The following ADAMTS14 variants were observed in gnomAD, a reference collection of about 807,000 sequenced individuals.
ADAMTS14 encodes ADAM metallopeptidase with thrombospondin type 1 motif 14, also known as A disintegrin and metalloproteinase with thrombospondin motifs 14.
Under a neutral mutation model 128.6 loss-of-function variants are expected in ADAMTS14, and 100 were observed. The ratio of observed to expected loss-of-function variants is 0.78; its 90% CI spans 0.66 to 0.92. The LOEUF is 0.92. Among genes scored for constraint, ADAMTS14 ranks in the 40% least tolerant of loss-of-function variants. ADAMTS14 has a pLI of 0.00. For missense variants in ADAMTS14, 1,562 were observed against 1,658.6 expected (o/e 0.94, Z 1.01); for synonymous variants, 665 against 653.8 (o/e 1.02, Z -0.26).
chr10:70,737,872 G>T (rs1175425600), intron 10 of ADAMTS14, among the ~76,000 whole-genome samples: 1 of 152,186 alleles, frequency 6.6e-6, no homozygotes, highest in African/African-American at 2.4e-5. Flanking sequence ...TGAGCACGGA[G>T]AATATTTTTG....
intron 4 of ADAMTS14, among the ~76,000 whole-genome samples, chr10:70,724,255 T>C (rs1393248976): frequency 1.3e-5 from 2 of 152,134 alleles, no homozygotes; most frequent in Non-Finnish European, 2.9e-5. Context: ...AATGTAGGGG[T>C]CCTGGCAGAG....
intron 1 of ADAMTS14, among the ~76,000 whole-genome samples, chr10:70,673,359 C>A (rs781410602): frequency 3.3e-5 from 5 of 152,144 alleles, no homozygotes; most frequent in Non-Finnish European, 5.9e-5. Flanking sequence ...GGGGCACTCA[C>A]GCTCCTGCAC....
At position 70,745,162 on chromosome 10, in the gene ADAMTS14, G is replaced by A. The variant is rs957407120; in HGVS notation, c.2183-64G>A. Reference sequence around the variant, plus strand: ...CTGGGTGCCCAGTGAGGGAGTGGGGGACGCTGGGCAGTGGGACCACCAGCT... The same window carrying A: ...CTGGGTGCCCAGTGAGGGAGTGGGGAACGCTGGGCAGTGGGACCACCAGCT... On this transcript the variant is annotated intron_variant, in intron 14 of 21. Transcript: ENST00000373207. 8.9e-5 allele frequency: 133 copies of A among 1,493,372 alleles called. 3 individuals are homozygous for A. In the Middle Eastern group the frequency reaches 3.2e-3, roughly 36 times the overall value. 92.5% of individuals were successfully genotyped at this position (1,493,372 alleles called of 1,614,324 possible). A position where few individuals can be genotyped will look rare whatever the true frequency, so the allele number is the denominator to read the frequency against.
chr10:70,739,073 C>T, intron 11 of ADAMTS14, 83 bp downstream of exon 11: 1 of 1,492,946 alleles, frequency 6.7e-7, no homozygotes, highest in Non-Finnish European at 8.9e-7. Flanking sequence ...ACTGGGGAGA[C>T]AGTGCAGGAG....
At chr10:70,691,058 A>C (rs1840169879) in intron 2 of ADAMTS14, among the ~76,000 whole-genome samples, 1 of 144,920 alleles carries the variant, frequency 6.9e-6, no homozygotes, top group South Asian at 2.2e-4. Flanking sequence ...ATCTGCCCTG[A>C]GTCTGGCTGG....
At chr10:70,696,225 G>A (rs1404764989) in intron 2 of ADAMTS14, among the ~76,000 whole-genome samples, 2 of 152,134 alleles carry the variant, frequency 1.3e-5, no homozygotes, top group South Asian at 2.1e-4. Context: ...TCCTTGAGGA[G>A]GTAACAGAGA....
At chr10:70,691,953 C>T (rs1482191981) in intron 2 of ADAMTS14, among the ~76,000 whole-genome samples, 2 of 152,172 alleles carry the variant, frequency 1.3e-5, no homozygotes, top group Non-Finnish European at 2.9e-5. Context: ...ACTTAAATGT[C>T]CCTTTTCGTG....
At chr10:70,739,908 G>A (rs72814585) in intron 11 of ADAMTS14, among the ~76,000 whole-genome samples, 4,223 of 152,296 alleles carry the variant, frequency 0.028, 75 homozygotes, top group South Asian at 0.065. Flanking sequence ...CTACACACAT[G>A]AACCAAAATG....
At chr10:70,678,797 C>T (rs1839718987) in intron 2 of ADAMTS14, among the ~76,000 whole-genome samples, 1 of 152,152 alleles carries the variant, frequency 6.6e-6, no homozygotes, top group South Asian at 2.1e-4. Context: ...TGTGTAAGCT[C>T]AGACCCCTTC....
intron 4 of ADAMTS14, among the ~76,000 whole-genome samples, chr10:70,712,711 C>T (rs1439391302): frequency 6.6e-6 from 1 of 152,200 alleles, no homozygotes; most frequent in Non-Finnish European, 1.5e-5. Flanking sequence ...AGGGCACTTT[C>T]TCTGCATCCG....
At chr10:70,722,891 T>C (rs2132651094) in intron 4 of ADAMTS14, among the ~76,000 whole-genome samples, 1 of 152,338 alleles carries the variant, frequency 6.6e-6, no homozygotes, top group African/African-American at 2.4e-5. Context: ...AGAGACTCCG[T>C]CTTCAAGGAG....
At chr10:70,721,412 G>T (rs1320297905) in intron 4 of ADAMTS14, among the ~76,000 whole-genome samples, 1 of 145,684 alleles carries the variant, frequency 6.9e-6, no homozygotes, top group Non-Finnish European at 1.5e-5. Flanking sequence ...TTGAGATGGA[G>T]TCTTGCTCTA....
chr10:70,730,217 T>A lies in ADAMTS14; in HGVS notation c.1070T>A (p.Val357Glu). 1 of 1,614,114 alleles carries A rather than the reference T, an allele frequency of 6.2e-7. No individual in the cohort carries two copies. The highest frequency in any genetic ancestry group is 8.5e-7 in the Non-Finnish European group (1 of 1,179,996). The change falls in exon 6 of 22, where the codon GTG becomes GAG. Residue 357 changes from valine to glutamate, a missense_variant. By Grantham distance (121) the Val-to-Glu change is moderately radical (BLOSUM62 -2). Coordinates refer to ENST00000373207, the MANE Select transcript of ADAMTS14 (RefSeq NM_080722.4). ...PSHAEHHDHV[V>E]FLTRQDFGPS... is the part of the protein sequence containing the mutation. ...CACGCTGAGCACCATGACCACGTTG[T>A]GTTCCTCACCCGGCAGGACTTTGGG...
At position 70,740,973 on chromosome 10, in the gene ADAMTS14, T is replaced by C. The variant is rs1249859281; in HGVS notation, c.1749-14T>C. 6.2e-7 allele frequency: 1 copy of C among 1,611,732 alleles called. No individual in the cohort carries two copies. Among genetic ancestry groups the C allele is most frequent in the Admixed American group, 1.7e-5 (1 of 59,964 alleles). The stretch of plus-strand genomic sequence containing the variant: ...CAGCCAGCAAGGTCATCCATTTCTC[T>C]GTGTCTGTCCCAGCCCAGCCTATGG... On this transcript the variant is annotated splice_polypyrimidine_tract_variant and intron_variant, in intron 11 of 21. Transcript: ENST00000373207.
intron 16 of ADAMTS14, 143 bp downstream of exon 16, chr10:70,750,128 T>G: frequency 9.2e-7 from 1 of 1,089,926 alleles, no homozygotes; most frequent in South Asian, 1.6e-5. Flanking sequence ...ATCCTGGGAT[T>G]AGCTCCTCAT....
Position 70,752,250 on chromosome 10 carries a change from G to A in ADAMTS14, c.2729+23G>A, listed in dbSNP as rs750397801. 4.7e-5 allele frequency: 75 copies of A among 1,611,796 alleles called. 1 individual carries two copies. The South Asian group carries it at 6.5e-4, about 14-fold the overall frequency. ...TGTGTGAGTGCTCCCAGGGAGGGAC[G>A]GGGAGTCTGGTTCTATGCCTAGCCC... is the stretch of plus-strand genomic sequence containing the variant. On this transcript the variant is annotated intron_variant, in intron 18 of 21. Transcript: ENST00000373207.
chr10:70,721,633 C>T (rs962753075), intron 4 of ADAMTS14, among the ~76,000 whole-genome samples: 21 of 151,328 alleles, frequency 1.4e-4, no homozygotes, highest in Middle Eastern at 3.5e-3. Flanking sequence ...GTGATCCACC[C>T]GCCTTGGCCT....
intron 2 of ADAMTS14, among the ~76,000 whole-genome samples, chr10:70,675,321 T>C (rs1431838144): frequency 6.6e-6 from 1 of 152,182 alleles, no homozygotes; most frequent in Non-Finnish European, 1.5e-5. Flanking sequence ...TTGGATGAGT[T>C]AACCTCTCTG....
intron 3 of ADAMTS14, among the ~76,000 whole-genome samples, chr10:70,707,647 AT>A (rs1230020658): frequency 6.6e-6 from 1 of 152,242 alleles, no homozygotes; most frequent in Non-Finnish European, 1.5e-5. Context: ...TGGGCTTTTG[AT>A]TCAGACAGAC....
Sources: gnomAD v4.1 joint callset for allele counts (sites outside exome capture counted in the v4.1 genomes callset) on GRCh38, gnomAD v4.1.1 for gene constraint, MANE v1.5 for transcripts, NCBI Gene and HGNC (gene_info 2026-07-23, HGNC 2026-07-21) for gene names.